Variants in SLC35F3 observed in about 807,000 individuals in gnomAD.
SLC35F3 encodes solute carrier family 35 member F3, also known as putative thiamine transporter SLC35F3.
In SLC35F3, 25 loss-of-function variants were observed where a neutral mutation model predicts 49.9. The ratio of observed to expected loss-of-function variants is 0.50; its 90% CI spans 0.37 to 0.70. The LOEUF is 0.70. SLC35F3 is among the 30% of genes least tolerant of loss of function. The pLI is 0.00. For synonymous variants in SLC35F3, 275 were observed against 265.4 expected, an observed-to-expected ratio of 1.04 and a Z score of -0.35; for missense variants, 525 against 639.8, an observed-to-expected ratio of 0.82 and a Z score of 1.94.
intron 3 of SLC35F3, among the ~76,000 whole-genome samples, chr1:234,294,703 T>C (rs913564084): frequency 6.6e-6 from 1 of 152,238 alleles, no homozygotes; most frequent in East Asian, 1.9e-4. Flanking sequence ...TTCACAAATA[T>C]TTCCTGACTG....
chr1:234,201,872 C>A (rs1342888715), intron 2 of SLC35F3, among the ~76,000 whole-genome samples: 3 of 149,598 alleles, frequency 2.0e-5, no homozygotes, highest in Non-Finnish European at 3.0e-5. Flanking sequence ...GAGACTGCGC[C>A]ACTGCACTCC....
chr1:234,295,495 G>A lies in SLC35F3; in HGVS notation c.609-13606G>A, dbSNP rs558279559. Among the ~76,000 whole-genome samples, 8 of 152,268 alleles carry A rather than the reference G, an allele frequency of 5.3e-5. No homozygotes were observed. The East Asian group carries it at 5.8e-4, about 11-fold the overall frequency. ...GTGTCAGTCTCTCGATTGCAAGCAC[G>A]GGAGCCAGGCTGAGCTTGAGAGGGA... On this transcript the variant is annotated intron_variant, in intron 3 of 7. Coordinates refer to ENST00000366618, the MANE Select transcript of SLC35F3 (RefSeq NM_173508.4).
chr1:233,989,011 T>C (rs1410318985), intron 2 of SLC35F3, among the ~76,000 whole-genome samples: 3 of 152,184 alleles, frequency 2.0e-5, no homozygotes, highest in Non-Finnish European at 4.4e-5. Flanking sequence ...AATCCAAAAA[T>C]ATAAAGAATT....
chr1:233,922,098 A>T (rs2102788136), intron 2 of SLC35F3, among the ~76,000 whole-genome samples: 1 of 152,312 alleles, frequency 6.6e-6, no homozygotes, highest in South Asian at 2.1e-4. Flanking sequence ...TGCTGCAGTA[A>T]ACATATGTGT....
chr1:234,027,761 G>T lies in SLC35F3; in HGVS notation c.283+122003G>T, dbSNP rs1663999740. Reference sequence around the variant, plus strand: ...TCCTTCATTTAGTAAAAATTCACTGGGAGCCTGCGCCAGTTTAGCACTGGG... The same window carrying T: ...TCCTTCATTTAGTAAAAATTCACTGTGAGCCTGCGCCAGTTTAGCACTGGG... On this transcript the variant is annotated intron_variant, in intron 2 of 7. Transcript: ENST00000366618. This position sits in a 1 kb window ranked among gnomAD's most constrained non-coding sequence, Gnocchi z 4.1. Among the ~76,000 whole-genome samples, 1 of 152,112 alleles carries T rather than the reference G, an allele frequency of 6.6e-6. No homozygotes were observed. The highest frequency in any genetic ancestry group is 1.5e-5 in the Non-Finnish European group (1 of 68,022).
chr1:233,904,936 G>C lies in SLC35F3; in HGVS notation c.-142G>C. 2 of 897,016 alleles carry C rather than the reference G, an allele frequency of 2.2e-6. No homozygotes were observed. The highest frequency in any genetic ancestry group is 3.9e-5 in the South Asian group (2 of 50,922). The allele number at this position is 897,016 out of a possible 1,614,324, so 55.6% of individuals were successfully genotyped here. The stretch of plus-strand genomic sequence containing the variant: ...TACAGACCGCGCGGGCGCGCACAAA[G>C]CGGCCCGGGGCGGCCGGCGCGGCGC... On this transcript the variant is annotated 5_prime_UTR_variant, in exon 1 of 8. Transcript: ENST00000366618.
chr1:234,075,390 G>A (rs1378356226), intron 2 of SLC35F3, among the ~76,000 whole-genome samples: 1 of 152,176 alleles, frequency 6.6e-6, no homozygotes. Flanking sequence ...CTTAGAAAGA[G>A]CATATATTTT....
intron 2 of SLC35F3, among the ~76,000 whole-genome samples, chr1:233,924,199 G>C (rs1427138763): frequency 6.6e-6 from 1 of 152,168 alleles, no homozygotes; most frequent in Non-Finnish European, 1.5e-5. Flanking sequence ...CTGTTGATTG[G>C]AATAGTTTTA....
At chr1:234,029,725 G>A (rs1024713125) in intron 2 of SLC35F3, among the ~76,000 whole-genome samples, 5 of 152,122 alleles carry the variant, frequency 3.3e-5, no homozygotes, top group Non-Finnish European at 7.4e-5. Context: ...GGCTGAACAT[G>A]GTAGCACATG....
chr1:234,101,799 A>G (rs978632560), intron 2 of SLC35F3, among the ~76,000 whole-genome samples: 6 of 152,250 alleles, frequency 3.9e-5, no homozygotes, highest in South Asian at 2.1e-4. Context: ...ACGTGGGTCA[A>G]ATAGTGGCTA....
chr1:234,095,269 G>T (rs1334913834), intron 2 of SLC35F3, among the ~76,000 whole-genome samples: 1 of 152,220 alleles, frequency 6.6e-6, no homozygotes, highest in African/African-American at 2.4e-5. Context: ...GAGCCAGTCA[G>T]TATAACTGTG....
rs553144123 is a variant in SLC35F3 at position 234,062,937 on chromosome 1, C to T, written c.283+157179C>T. Reference sequence around the variant, plus strand: ...AACTCCTGACCTTGTGATCCGCCCGCCTCGGCCTCCCAAAGTGCTGGGATT... The same window carrying T: ...AACTCCTGACCTTGTGATCCGCCCGTCTCGGCCTCCCAAAGTGCTGGGATT... On this transcript the variant is annotated intron_variant, in intron 2 of 7. Transcript: ENST00000366618. Among the ~76,000 whole-genome samples, 235 of 151,866 alleles carry T rather than the reference C, an allele frequency of 1.5e-3. 1 individual carries two copies. Among genetic ancestry groups the T allele is most frequent in the Middle Eastern group, 3.4e-3 (1 of 294 alleles).
chr1:234,019,078 A>G (rs569446073), intron 2 of SLC35F3, among the ~76,000 whole-genome samples: 22 of 152,366 alleles, frequency 1.4e-4, no homozygotes, highest in African/African-American at 4.1e-4. Flanking sequence ...TGTGCCCAGC[A>G]CATGTCTGCC....
intron 2 of SLC35F3, among the ~76,000 whole-genome samples, chr1:233,954,406 C>T (rs1231592660): frequency 2.0e-5 from 3 of 152,196 alleles, no homozygotes; most frequent in Admixed American, 1.3e-4. Context: ...CTGCACCATG[C>T]AGGAGTTAGG....
At chr1:234,023,736 A>G (rs577506552) in intron 2 of SLC35F3, among the ~76,000 whole-genome samples, 22 of 151,960 alleles carry the variant, frequency 1.4e-4, no homozygotes, top group Non-Finnish European at 2.6e-4. Context: ...CGCTGATAAT[A>G]TGCACCCTTG....
At chr1:234,318,672 G>C in intron 5 of SLC35F3, 79 bp from the exon 6 acceptor site, 1 of 1,289,182 alleles carries the variant, frequency 7.8e-7, no homozygotes, top group Non-Finnish European at 1.1e-6. Flanking sequence ...CAGCGTTGTG[G>C]AGTGAACTCT....
intron 2 of SLC35F3, among the ~76,000 whole-genome samples, chr1:234,163,228 T>C (rs919241318): frequency 6.6e-6 from 1 of 152,242 alleles, no homozygotes; most frequent in African/African-American, 2.4e-5. Context: ...GCAAGGTACA[T>C]CATACAATAC....
chr1:233,937,303 A>G (rs550284965), intron 2 of SLC35F3, among the ~76,000 whole-genome samples: 10 of 152,388 alleles, frequency 6.6e-5, no homozygotes, highest in African/African-American at 2.2e-4. Context: ...AGATCAGGAT[A>G]CAAAAAGTAG....
At chr1:233,922,627 G>A (rs1353390039) in intron 2 of SLC35F3, among the ~76,000 whole-genome samples, 1 of 150,670 alleles carries the variant, frequency 6.6e-6, no homozygotes, top group Non-Finnish European at 1.5e-5. Context: ...AGTTTCTTTT[G>A]CTGTGCAGCA....
Sources: gnomAD v4.1 joint callset for allele counts (sites outside exome capture counted in the v4.1 genomes callset) on GRCh38, gnomAD v4.1.1 for gene constraint, Gnocchi (gnomAD v3.1) non-coding constraint, MANE v1.5 for transcripts, NCBI Gene and HGNC (gene_info 2026-07-23, HGNC 2026-07-21) for gene names.